Variants in OTOGL observed in about 807,000 individuals in gnomAD.
The protein encoded by OTOGL is otogelin-like protein.
Under a neutral mutation model 318.5 loss-of-function variants are expected in OTOGL, and 285 were observed. That is an observed-to-expected ratio of 0.89 (90% CI 0.81 to 0.99). The LOEUF (loss-of-function observed/expected upper bound fraction) is 0.99, where lower values mean the gene tolerates loss of function less well. Ranked by LOEUF, OTOGL falls within the 50% of genes least tolerant of loss-of-function variation. The probability of loss-of-function intolerance (pLI) is 0.00; values close to 1 mark genes in which losing one functional copy is unlikely to be tolerated. For synonymous variants in OTOGL, 987 were observed against 936.5 expected, an observed-to-expected ratio of 1.05 and a Z score of -0.99; for missense variants, 2,899 against 2,845.6, an observed-to-expected ratio of 1.02 and a Z score of -0.43.
At chr12:80,104,594 T>C (rs1869341236) in intron 1 of OTOGL, among the ~76,000 whole-genome samples, 1 of 151,858 alleles carries the variant, frequency 6.6e-6, no homozygotes, top group Admixed American at 6.6e-5. Context: ...AAGGCATACG[T>C]TGGAGGGGTG....
intron 4 of OTOGL, among the ~76,000 whole-genome samples, chr12:80,216,954 A>T (rs1877784755): frequency 6.6e-6 from 1 of 152,036 alleles, no homozygotes; most frequent in Non-Finnish European, 1.5e-5. Flanking sequence ...TAATAATAAT[A>T]AAAGAAAAGA....
At chr12:80,296,165 C>G (rs1885380466) in intron 26 of OTOGL, among the ~76,000 whole-genome samples, 2 of 152,176 alleles carry the variant, frequency 1.3e-5, no homozygotes, top group Non-Finnish European at 2.9e-5. Flanking sequence ...CAAGTGGCAT[C>G]AAGACAAACA....
At chr12:80,253,094 G>T (rs1283339510) in intron 13 of OTOGL, among the ~76,000 whole-genome samples, 1 of 152,152 alleles carries the variant, frequency 6.6e-6, no homozygotes, top group Non-Finnish European at 1.5e-5. Context: ...TTATGATTCT[G>T]TGTGACAGTG....
At chr12:80,108,914 A>ATATGTGTGTG (rs1262241263) in intron 1 of OTOGL, among the ~76,000 whole-genome samples, 5 of 122,454 alleles carry the variant, frequency 4.1e-5, no homozygotes, top group African/African-American at 1.7e-4. Context: ...GTGTATATAT[A>ATATGTGTGTG]TGTGTATATA....
At position 80,261,085 on chromosome 12, in the gene OTOGL, C is replaced by T. The variant is rs111722171; in HGVS notation, c.1890-884C>T. Among the ~76,000 whole-genome samples the T allele has an allele frequency of 2.3e-3, 351 of 152,138 alleles. 4 individuals carry two copies. Among genetic ancestry groups the T allele is most frequent in the African/African-American group, 8.0e-3 (334 of 41,514 alleles). On this transcript the variant is annotated intron_variant, in intron 18 of 58. Transcript: ENST00000547103. ...GTTGCTCCCTTTTTTTGTCCTCTCT[C>T]GGTCACTCTGCTGAGCAGCTCCAGT...
At chr12:80,239,684 AT>A (rs1362813061) in intron 11 of OTOGL, among the ~76,000 whole-genome samples, 1 of 152,172 alleles carries the variant, frequency 6.6e-6, no homozygotes. Context: ...GTGTAATCAA[AT>A]AAAGGGAATT....
At chr12:80,116,617 A>T (rs1269492364) in intron 1 of OTOGL, among the ~76,000 whole-genome samples, 1 of 152,152 alleles carries the variant, frequency 6.6e-6, no homozygotes, top group Non-Finnish European at 1.5e-5. Context: ...AGAAAACAAA[A>T]AGTGAGGCAA....
At chr12:80,352,258 A>G (rs1199111829) in intron 44 of OTOGL, 37 bp from the exon 45 acceptor site, 3 of 1,562,508 alleles carry the variant, frequency 1.9e-6, no homozygotes, top group Non-Finnish European at 2.6e-6. Flanking sequence ...GAGAAATAAA[A>G]CAATATAACT....
rs200388065 is a variant in OTOGL, at chr12:80,253,516, G to A, written c.1336G>A (p.Gly446Ser). The change falls in exon 14 of 59, where the codon GGT becomes AGT. Residue 446 changes from glycine (G) to serine (S), a missense_variant. Transcript: ENST00000547103. ...CATCTCCTTGGAAAATTGCCCATGC[G>A]GTTTTCATGGATTAGCTTATTCAGT... ...TCISLENCPCGFHGLAYSVGS... is the reference protein window; with the variant it reads ...TCISLENCPCSFHGLAYSVGS... 41 of 1,613,158 alleles carry A rather than the reference G, an allele frequency of 2.5e-5. No individual in the cohort carries two copies. Among genetic ancestry groups the A allele is most frequent in the East Asian group, 4.5e-5 (2 of 44,866 alleles).
In OTOGL at chr12:80,256,412, A is replaced by T; in HGVS notation, c.1663A>T (p.Arg555Trp). 2 of 1,591,398 alleles carry T rather than the reference A, an allele frequency of 1.3e-6. No homozygotes were observed. The highest frequency in any genetic ancestry group is 1.1e-5 in the South Asian group (1 of 89,530). ...TTTTAACAAACAAGTGACCCTTGGT[A>T]GGGGAGGACAAATTCTCACTAGTCC... is the stretch of plus-strand genomic sequence containing the variant. Reference protein sequence around the residue: ...DDFNKQVTLGRGGQILTSPNQ... With the variant: ...DDFNKQVTLGWGGQILTSPNQ... Residue 555 changes from arginine to tryptophan, a missense_variant, in exon 17 of 59, where the codon AGG becomes TGG. This residue lies in a region of OTOGL where 2,607 missense variants were observed against 2,524.9 expected (regional missense o/e 1.03). Transcript: ENST00000547103.
chr12:80,222,323 G>T, intron 7 of OTOGL, 78 bp downstream of exon 7: 17 of 1,314,984 alleles, frequency 1.3e-5, no homozygotes, highest in Non-Finnish European at 1.6e-5. Flanking sequence ...CTGGGAAAAT[G>T]ATGCAAAATA....
chr12:80,352,104 G>A (rs1889586118), intron 44 of OTOGL, among the ~76,000 whole-genome samples, 191 bp from the exon 45 acceptor site: 1 of 152,006 alleles, frequency 6.6e-6, no homozygotes, highest in Non-Finnish European at 1.5e-5. Context: ...TAGTGCAGAT[G>A]GTATTTGTCT....
intron 2 of OTOGL, among the ~76,000 whole-genome samples, chr12:80,209,830 T>C (rs960526517): frequency 6.6e-6 from 1 of 152,142 alleles, no homozygotes; most frequent in Non-Finnish European, 1.5e-5. Context: ...TATCATGATA[T>C]GCAATTGTAT....
At chr12:80,261,872 A>C in intron 18 of OTOGL, 97 bp from the exon 19 acceptor site, 1 of 1,373,450 alleles carries the variant, frequency 7.3e-7, no homozygotes, top group Non-Finnish European at 9.7e-7. Flanking sequence ...ATTTCCTTGT[A>C]CATTATGAAA....
intron 1 of OTOGL, among the ~76,000 whole-genome samples, chr12:80,189,060 T>C (rs1048517921): frequency 6.6e-6 from 1 of 152,184 alleles, no homozygotes; most frequent in African/African-American, 2.4e-5. Flanking sequence ...TGTGAGTGCA[T>C]AGGGAGAAAG....
intron 27 of OTOGL, among the ~76,000 whole-genome samples, chr12:80,300,892 T>C (rs2137728778): frequency 6.6e-6 from 1 of 152,210 alleles, no homozygotes; most frequent in East Asian, 1.9e-4. Context: ...AGGGTGGGGA[T>C]TGGGAAGTGG....
At chr12:80,284,030 T>C (rs1884429943) in intron 26 of OTOGL, among the ~76,000 whole-genome samples, 1 of 151,974 alleles carries the variant, frequency 6.6e-6, no homozygotes, top group Admixed American at 6.6e-5. Context: ...CTCCCTTTGC[T>C]TCCCCATCCC....
chr12:80,237,176 C>G (rs1403316808), intron 9 of OTOGL, among the ~76,000 whole-genome samples: 3 of 152,122 alleles, frequency 2.0e-5, no homozygotes, highest in Non-Finnish European at 4.4e-5. Flanking sequence ...TATATGTATT[C>G]ATTCACTTAT....
chr12:80,185,822 A>G (rs1454003022), intron 1 of OTOGL, among the ~76,000 whole-genome samples: 1 of 152,214 alleles, frequency 6.6e-6, no homozygotes, highest in African/African-American at 2.4e-5. Flanking sequence ...TATATAGAAA[A>G]ATGTAATTAT....
Sources: gnomAD v4.1 joint callset for allele counts (sites outside exome capture counted in the v4.1 genomes callset) on GRCh38, gnomAD v4.1.1 for gene constraint, gnomAD v4.1.1 regional missense constraint, MANE v1.5 for transcripts, NCBI Gene and HGNC (gene_info 2026-07-23, HGNC 2026-07-21) for gene names.